Variants in ANK3 observed in about 807,000 individuals in gnomAD.
The protein encoded by ANK3 is ankyrin 3.
In ANK3, 57 loss-of-function variants were observed where a neutral mutation model predicts 370.9. The observed-to-expected ratio is 0.15, with a 90% CI of 0.12 to 0.19. ANK3 has a LOEUF of 0.19. Among genes scored for constraint, ANK3 ranks in the 10% least tolerant of loss-of-function variants. ANK3 has a pLI of 1.00. For synonymous variants in ANK3, 1,929 were observed against 1,946.3 expected (o/e 0.99, Z 0.23); for missense variants, 4,439 against 5,302.1 (o/e 0.84, Z 5.06).
At chr10:60,076,575 G>T in intron 36 of ANK3, 127 bp from the exon 37 acceptor site, 2 of 1,263,820 alleles carry the variant, frequency 1.6e-6, no homozygotes, top group Non-Finnish European at 2.1e-6. Context: ...ACAATTGTTT[G>T]CATGATTTAG....
rs781301833 is a variant in ANK3, at chr10:60,055,691, A to G, written c.13032T>C (p.His4344=). ...CAGACCCACTGGACCCCTCTTCTTC[A>G]TGGAGGCTAAGCCTTGGCTTGCCAT... ...PADGKPRLSL[H]EEEGSSGSEQ... Residue 4344 remains histidine, a synonymous_variant, in exon 42 of 44, where the codon CAT becomes CAC. Transcript: ENST00000280772. 1.2e-5 allele frequency: 19 copies of G among 1,613,158 alleles called. No homozygotes were observed. The highest frequency in any genetic ancestry group is 1.5e-5 in the Non-Finnish European group (18 of 1,179,824).
chr10:60,070,900 G>T lies in ANK3; in HGVS notation c.9981C>A (p.Val3327=), dbSNP rs143644583. Residue 3327 remains valine, a synonymous_variant, in exon 37 of 44, where the codon GTC becomes GTA. Transcript: ENST00000280772. The surrounding 1 kb of genome is among the most constrained non-coding windows in gnomAD (Gnocchi z 5.7). ...ATTTGAAGGTATATTTTTTAACTGG[G>T]ACTGGCTGATAAATAGATTCGTCAT... The part of the protein sequence containing the change: ...SSDDESIYQP[V]PVKKYTFKLK... 1 of 1,613,968 alleles carries T rather than the reference G, an allele frequency of 6.2e-7. No individual in the cohort carries two copies. The highest frequency in any genetic ancestry group is 1.1e-5 in the South Asian group (1 of 91,060).
chr10:60,338,410 A>G (rs1371367230), intron 1 of ANK3, among the ~76,000 whole-genome samples: 2 of 152,164 alleles, frequency 1.3e-5, no homozygotes, highest in African/African-American at 4.8e-5. Context: ...AAGAATGTGC[A>G]TTTATAACAA....
chr10:60,559,983 C>T (rs2077296794), intron 2 of ANK3, among the ~76,000 whole-genome samples: 1 of 152,020 alleles, frequency 6.6e-6, no homozygotes, highest in Non-Finnish European at 1.5e-5. Flanking sequence ...GCAGAGGTTG[C>T]AGTGACCCAA....
At chr10:60,113,650 C>T (rs2092877979) in intron 26 of ANK3, among the ~76,000 whole-genome samples, 2 of 152,282 alleles carry the variant, frequency 1.3e-5, no homozygotes, top group South Asian at 2.1e-4. Context: ...GTAGAGGTTT[C>T]AGTAAGCTAA....
intron 7 of ANK3, among the ~76,000 whole-genome samples, chr10:60,249,461 T>C (rs10994278): frequency 0.12 from 18,201 of 152,196 alleles, 1,437 homozygotes; most frequent in East Asian, 0.3. Context: ...TTAATTTCTG[T>C]TTTGAATATT....
intron 2 of ANK3, among the ~76,000 whole-genome samples, chr10:60,500,747 T>C (rs997960157): frequency 8.5e-5 from 13 of 152,192 alleles, no homozygotes; most frequent in Non-Finnish European, 1.8e-4. Context: ...CTGCATTTTA[T>C]AGCAAGTACT....
chr10:60,129,807 G>A (rs556068453), intron 25 of ANK3, among the ~76,000 whole-genome samples: 29 of 152,234 alleles, frequency 1.9e-4, no homozygotes, highest in African/African-American at 7.0e-4. Flanking sequence ...ATGCTCGTAA[G>A]TGGTCTGGAT....
intron 2 of ANK3, among the ~76,000 whole-genome samples, chr10:60,478,319 C>G (rs1341707994): frequency 6.6e-6 from 1 of 151,916 alleles, no homozygotes; most frequent in Non-Finnish European, 1.5e-5. Context: ...TCGTAACAGT[C>G]ACATATTTTT....
At chr10:60,337,251 A>G (rs954227218) in intron 1 of ANK3, among the ~76,000 whole-genome samples, 2 of 152,132 alleles carry the variant, frequency 1.3e-5, no homozygotes, top group African/African-American at 4.8e-5. Flanking sequence ...CCCCAGCCCC[A>G]TGATTTTATC....
chr10:60,687,253 T>A (rs1284872367), intron 1 of ANK3, among the ~76,000 whole-genome samples: 2 of 152,194 alleles, frequency 1.3e-5, no homozygotes, highest in Non-Finnish European at 2.9e-5. Context: ...ATATTTATAC[T>A]GCAACCTAGG....
intron 2 of ANK3, among the ~76,000 whole-genome samples, chr10:60,402,658 C>A (rs1316819709): frequency 6.6e-6 from 1 of 152,210 alleles, no homozygotes; most frequent in African/African-American, 2.4e-5. Flanking sequence ...AGAGAATTTG[C>A]ACACTTCCAT....
intron 8 of ANK3, among the ~76,000 whole-genome samples, chr10:60,227,461 T>C (rs1335470364): frequency 1.3e-5 from 2 of 152,178 alleles, no homozygotes; most frequent in Non-Finnish European, 2.9e-5. Flanking sequence ...ATTTGAGTGC[T>C]GCAGTTTATG....
At chr10:60,602,956 A>G (rs2078084108) in intron 2 of ANK3, among the ~76,000 whole-genome samples, 1 of 151,996 alleles carries the variant, frequency 6.6e-6, no homozygotes, top group Non-Finnish European at 1.5e-5. Flanking sequence ...TTTCCTTCTT[A>G]TAGGTTCATC....
At chr10:60,482,596 C>T (rs1023857088) in intron 2 of ANK3, among the ~76,000 whole-genome samples, 44 of 152,112 alleles carry the variant, frequency 2.9e-4, no homozygotes, top group Non-Finnish European at 7.3e-5. Context: ...AATAGATCCT[C>T]CCACCTCATT....
intron 24 of ANK3, chr10:60,138,479 C>T (rs2094443335): frequency 2.5e-6 from 1 of 393,556 alleles, no homozygotes; most frequent in Middle Eastern, 6.5e-4. Context: ...AGAAGAGATA[C>T]TCAAACACTT....
chr10:60,684,742 G>C, intron 1 of ANK3: 1 of 1,580,608 alleles, frequency 6.3e-7, no homozygotes, highest in Non-Finnish European at 8.6e-7. Flanking sequence ...AGGTGGTCAG[G>C]AGAAATTAAT....
Position 60,527,236 on chromosome 10 carries a change from T to C in ANK3, c.96+87950A>G, listed in dbSNP as rs74540777. 3.9e-3 allele frequency among the ~76,000 whole-genome samples: 594 copies of C among 152,270 alleles called. 8 individuals carry two copies. Among genetic ancestry groups the C allele is most frequent in the Admixed American group, 0.022 (337 of 15,274 alleles). Reference sequence around the variant, plus strand: ...AGGGATCTACCCCAGATCAGGTATCTGGATTCTTCAAAGCTCCCTAGGTAA... The same window carrying C: ...AGGGATCTACCCCAGATCAGGTATCCGGATTCTTCAAAGCTCCCTAGGTAA... On this transcript the variant is annotated intron_variant, in intron 2 of 43. Transcript: ENST00000373827.
intron 2 of ANK3, among the ~76,000 whole-genome samples, chr10:60,419,877 G>A (rs2063743622): frequency 6.6e-6 from 1 of 152,028 alleles, no homozygotes; most frequent in African/African-American, 2.4e-5. Flanking sequence ...CAACCTCTCT[G>A]GGCCTTGCTT....
Sources: gnomAD v4.1 joint callset for allele counts (sites outside exome capture counted in the v4.1 genomes callset) on GRCh38, gnomAD v4.1.1 for gene constraint, Gnocchi (gnomAD v3.1) non-coding constraint, MANE v1.5 for transcripts, NCBI Gene and HGNC (gene_info 2026-07-23, HGNC 2026-07-21) for gene names.